The following PDGFA variants were observed in gnomAD, a reference collection of about 807,000 sequenced individuals.
PDGFA encodes platelet-derived growth factor subunit A.
PDGFA carries 9 observed loss-of-function variants against 25.6 expected under a neutral mutation model. The ratio of observed to expected loss-of-function variants is 0.35; its 90% CI spans 0.21 to 0.61. PDGFA has a LOEUF of 0.61. Ranked by LOEUF, PDGFA falls within the 20% of genes least tolerant of loss-of-function variation. PDGFA has a pLI of 0.75. For missense variants in PDGFA, 242 were observed against 272.8 expected (o/e 0.89, Z 0.79); for synonymous variants, 133 against 111.8 (o/e 1.19, Z -1.20).
chr7:510,872 G>A lies in PDGFA; in HGVS notation c.390C>T (p.Thr130=), dbSNP rs147800702. The change falls in exon 4 of 6, where the codon ACC becomes ACT. Residue 130 remains threonine (T), a synonymous_variant. Coordinates refer to ENST00000402802, the Ensembl canonical transcript of PDGFA. ...TGACACTGCTCGTGTTGCAGCAGCC[G>A]GTGCAGCGTTTCACCTCCACGCACG... 6.7e-4 allele frequency: 1,075 copies of A among 1,611,440 alleles called. 3 individuals are homozygous for A. The highest frequency in any genetic ancestry group is 6.7e-4 in the Non-Finnish European group (794 of 1,179,384).
chr7:497,911 AGGAAAGCTTAATAATCACTTTATGGTGT>A (rs1562481401), exon 6 of PDGFA: 13 of 130,126 alleles, frequency 1.0e-4, no homozygotes, highest in Non-Finnish European at 1.5e-4. Context: ...AAGAGTAAAA[AGGAAAGCTTAATAATCACTTTATGGTGT>A]AAAAAAAAAA....
intron 3 of PDGFA, among the ~76,000 whole-genome samples, chr7:511,324 A>G (rs1364463054): frequency 1.3e-5 from 1 of 76,922 alleles, no homozygotes; most frequent in African/African-American, 1.0e-4. Context: ...AGGTGGGGCC[A>G]GAGACTGGGG....
rs955578083 is a variant in PDGFA at position 516,149 on chromosome 7, G to A, written c.160+1245C>T. ...CTTTTCCCTAGAGTTATCCACTGAG[G>A]GATCCGGTCAAAATCCCCCCGCCCA... is the stretch of plus-strand genomic sequence containing the variant. On this transcript the variant is annotated intron_variant, in intron 2 of 5. Transcript: ENST00000402802. 2.1e-5 allele frequency among the ~76,000 whole-genome samples: 3 copies of A among 144,402 alleles called. No homozygotes were observed. The Admixed American group carries it at 2.2e-4, about 11-fold the overall frequency. 94.7% of individuals were successfully genotyped at this position (144,402 alleles called of 152,430 possible).
intron 4 of PDGFA, among the ~76,000 whole-genome samples, chr7:504,564 C>A (rs1236994908): frequency 3.3e-5 from 5 of 152,200 alleles, no homozygotes; most frequent in African/African-American, 7.2e-5. Flanking sequence ...TCACACCCTG[C>A]CATCTCCCAG....
exon 6 of PDGFA, chr7:497,959 C>CAAAAA (rs1166606050): frequency 5.3e-5 from 3 of 56,694 alleles, no homozygotes; most frequent in African/African-American, 1.5e-4. Flanking sequence ...AAAAAAAAAA[C>CAAAAA]AAAAAAAAAA....
chr7:510,117 G>A (rs1782734356), intron 4 of PDGFA, among the ~76,000 whole-genome samples: 1 of 152,196 alleles, frequency 6.6e-6, no homozygotes, highest in South Asian at 2.1e-4. Context: ...GGGGACGCCA[G>A]ACAGCTTCCG....
chr7:509,400 C>T (rs1782702916), intron 4 of PDGFA, among the ~76,000 whole-genome samples: 1 of 152,220 alleles, frequency 6.6e-6, no homozygotes, highest in Non-Finnish European at 1.5e-5. Context: ...AAGGGATCCT[C>T]CCACCTCAGC....
At chr7:501,038 G>C in intron 5 of PDGFA, 78 bp downstream of exon 5, 1 of 1,612,464 alleles carries the variant, frequency 6.2e-7, no homozygotes, top group Non-Finnish European at 8.5e-7. Flanking sequence ...TGCGCTCAAG[G>C]GGGCCACCTA....
intron 3 of PDGFA, among the ~76,000 whole-genome samples, chr7:511,371 G>GGGGCAGAGGGGA: frequency 7.5e-6 from 1 of 132,600 alleles, no homozygotes; most frequent in African/African-American, 3.0e-5. Flanking sequence ...TGGGGCCAGA[G>GGGGCAGAGGGGA]ACTGGGGGTG....
At chr7:516,148 G>C (rs1449377672) in intron 2 of PDGFA, among the ~76,000 whole-genome samples, 2 of 143,292 alleles carry the variant, frequency 1.4e-5, no homozygotes, top group Non-Finnish European at 3.0e-5. Flanking sequence ...TATCCACTGA[G>C]GGATCCGGTC....
exon 5 of PDGFA, chr7:501,224 C>G: frequency 1.9e-6 from 3 of 1,614,176 alleles, no homozygotes; most frequent in Non-Finnish European, 2.5e-6. Flanking sequence ...TTCTTCCTGA[C>G]GTATTCCACC....
intron 4 of PDGFA, among the ~76,000 whole-genome samples, chr7:508,585 A>AAAAAAAAAAAAAAAAAAC (rs1782668680): frequency 6.8e-6 from 1 of 148,110 alleles, no homozygotes; most frequent in African/African-American, 2.5e-5. Context: ...AAAAAAAAAA[A>AAAAAAAAAAAAAAAAAAC]AAATTCTCAG....
intron 4 of PDGFA, among the ~76,000 whole-genome samples, chr7:509,888 A>G (rs62433332): frequency 0.18 from 26,992 of 152,096 alleles, 3,049 homozygotes; most frequent in East Asian, 0.39. Context: ...AGAGGGGCTC[A>G]CCCTGGGATT....
In PDGFA at chr7:517,351, G is replaced by A. The variant is rs763717180; in HGVS notation, c.160+43C>T. The A allele has an allele frequency of 2.9e-6, 3 of 1,026,436 alleles. No individual in the cohort carries two copies. The highest frequency in any genetic ancestry group is 2.1e-5 in the South Asian group (1 of 47,106). The allele number at this position is 1,026,436 out of a possible 1,614,324, so 63.6% of individuals were successfully genotyped here. ...CCAGCTCGGGGCGCACAGGCCGCCC[G>A]CCCGCGCCCTCCCCGCGCGCGGAGG... On this transcript the variant is annotated intron_variant, in intron 2 of 5. Coordinates refer to ENST00000402802, the Ensembl canonical transcript of PDGFA. This position sits in a 1 kb window ranked among gnomAD's most constrained non-coding sequence, Gnocchi z 7.4.
At chr7:513,919 TCAGAA>T (rs1314918128) in intron 2 of PDGFA, among the ~76,000 whole-genome samples, 1 of 152,298 alleles carries the variant, frequency 6.6e-6, no homozygotes, top group East Asian at 1.9e-4. Context: ...CAAAATAAGA[TCAGAA>T]CAGAACTACT....
chr7:505,671 G>A (rs1782528611), intron 4 of PDGFA, among the ~76,000 whole-genome samples: 1 of 152,198 alleles, frequency 6.6e-6, no homozygotes, highest in Admixed American at 6.5e-5. Flanking sequence ...GTCCATTCTA[G>A]AGATGAGAAC....
chr7:497,438 A>G (rs2128385868), exon 6 of PDGFA: 1 of 152,364 alleles, frequency 6.6e-6, no homozygotes, highest in African/African-American at 2.4e-5. Context: ...CCAAAAATAA[A>G]GAATTTGGGT....
At chr7:504,255 G>A (rs962051676) in intron 4 of PDGFA, among the ~76,000 whole-genome samples, 1 of 151,980 alleles carries the variant, frequency 6.6e-6, no homozygotes, top group Admixed American at 6.5e-5. Flanking sequence ...CAGGCAGAGA[G>A]TGGGTCTAGA....
chr7:504,386 T>A (rs1009039910), intron 4 of PDGFA, among the ~76,000 whole-genome samples: 5 of 151,924 alleles, frequency 3.3e-5, no homozygotes, highest in Admixed American at 2.0e-4. Flanking sequence ...CCTGCAAGCA[T>A]GTCCTCAGCC....
Sources: allele counts gnomAD v4.1 joint callset (sites outside exome capture counted in the v4.1 genomes callset), GRCh38; gene constraint gnomAD v4.1.1; non-coding constraint Gnocchi (gnomAD v3.1); transcripts MANE v1.5; gene names NCBI Gene and HGNC (gene_info 2026-07-23, HGNC 2026-07-21).